PRKCZ: variants seen among roughly 807,000 people sequenced by gnomAD.
The protein encoded by PRKCZ is protein kinase C zeta type.
Under a neutral mutation model 79.5 loss-of-function variants are expected in PRKCZ, and 33 were observed. The ratio of observed to expected loss-of-function variants is 0.41; its 90% CI spans 0.31 to 0.55. The LOEUF (loss-of-function observed/expected upper bound fraction) is 0.55, where lower values mean the gene tolerates loss of function less well. Ranked by LOEUF, PRKCZ falls within the 20% of genes least tolerant of loss-of-function variation. PRKCZ has a pLI of 0.19. For synonymous variants in PRKCZ, 342 were observed against 320.9 expected (o/e 1.07, Z -0.70); for missense variants, 578 against 813.5 (o/e 0.71, Z 3.52).
chr1:2,101,576 G>A (rs905645480), intron 4 of PRKCZ, among the ~76,000 whole-genome samples: 10 of 152,128 alleles, frequency 6.6e-5, no homozygotes, highest in Admixed American at 1.3e-4. Flanking sequence ...GTCTGCGTTC[G>A]GCCTGTGTCT....
intron 4 of PRKCZ, chr1:2,074,036 G>A (rs1287850767): frequency 4.2e-6 from 6 of 1,439,276 alleles, no homozygotes; most frequent in Non-Finnish European, 4.6e-6. Context: ...CAGCATTTTG[G>A]GTCTGAGTCC....
chr1:2,071,225 T>C (rs1661552942), intron 4 of PRKCZ: 2 of 271,538 alleles, frequency 7.4e-6, no homozygotes, highest in South Asian at 5.6e-5. Context: ...TTTGTGAGGC[T>C]CGACAGGGTT....
At chr1:2,148,373 C>T (rs1032936607) in intron 7 of PRKCZ, among the ~76,000 whole-genome samples, 25 of 152,328 alleles carry the variant, frequency 1.6e-4, no homozygotes, top group African/African-American at 5.8e-4. Flanking sequence ...ATCTATCCAC[C>T]TATTGTCCAC....
chr1:2,119,775 ATTTCT>A (rs1161069612), intron 4 of PRKCZ, among the ~76,000 whole-genome samples: 2 of 134,106 alleles, frequency 1.5e-5, no homozygotes, highest in Non-Finnish European at 3.2e-5. Context: ...AATTCTTTTT[ATTTCT>A]TTTCTTTTCT....
chr1:2,137,348 C>T (rs1676422345), intron 5 of PRKCZ, among the ~76,000 whole-genome samples: 1 of 152,196 alleles, frequency 6.6e-6, no homozygotes, highest in Non-Finnish European at 1.5e-5. Flanking sequence ...GGGTCTTGCC[C>T]TCCCAGTCCA....
chr1:2,052,607 C>T (rs1659784647), intron 1 of PRKCZ, among the ~76,000 whole-genome samples: 1 of 152,106 alleles, frequency 6.6e-6, no homozygotes, highest in African/African-American at 2.4e-5. Context: ...CTCCTCCTCT[C>T]TGCTGCAGAG....
rs755258956 is a variant in PRKCZ, at chr1:2,172,360, C to A, written c.1257C>A (p.Ala419=). 3 of 1,613,408 alleles carry A rather than the reference C, an allele frequency of 1.9e-6. No homozygotes were observed. In the Admixed American group the frequency reaches 5.0e-5, roughly 27 times the overall value. ...TCTGCGGAACCCCGAATTACATCGCCCCCGAAATCCTGCGGGGAGAGGAGT... is the reference window on the plus strand; with the variant it reads ...TCTGCGGAACCCCGAATTACATCGCACCCGAAATCCTGCGGGGAGAGGAGT... ...STFCGTPNYI[A]PEILRGEEYG... Residue 419 remains alanine, a synonymous_variant, in exon 13 of 18, where the codon GCC becomes GCA. Coordinates refer to ENST00000378567, the MANE Select transcript of PRKCZ (RefSeq NM_002744.6). This position sits in a 1 kb window ranked among gnomAD's most constrained non-coding sequence, Gnocchi z 7.8.
chr1:2,185,127 C>T lies in PRKCZ; in HGVS notation c.*118C>T, dbSNP rs1054438860. 1.4e-5 allele frequency: 14 copies of T among 977,478 alleles called. No homozygotes were observed. Among genetic ancestry groups the T allele is most frequent in the African/African-American group, 9.7e-5 (6 of 62,090 alleles). The allele number at this position is 977,478 out of a possible 1,614,324, so 60.6% of individuals were successfully genotyped here. A position where few individuals can be genotyped will look rare whatever the true frequency, so the allele number is the denominator to read the frequency against. The stretch of plus-strand genomic sequence containing the variant: ...GAGGGCGGCCAGGGACAGACGCTTG[C>T]GCCGAGACCGCAGAGGGAAGCGTCA... On this transcript the variant is annotated 3_prime_UTR_variant, in exon 18 of 18. Coordinates refer to ENST00000378567, the MANE Select transcript of PRKCZ (RefSeq NM_002744.6).
chr1:2,132,263 C>A (rs909224524), intron 4 of PRKCZ, among the ~76,000 whole-genome samples: 145 of 152,332 alleles, frequency 9.5e-4, no homozygotes, highest in African/African-American at 3.2e-3. Context: ...GCTCTGTCTT[C>A]CGTTGGACGC....
chr1:2,146,389 TC>T (rs1678528226), intron 7 of PRKCZ, among the ~76,000 whole-genome samples: 1 of 152,164 alleles, frequency 6.6e-6, no homozygotes, highest in African/African-American at 2.4e-5. Context: ...CAGAGCCTCT[TC>T]CTCTAACCAG....
rs1683685190 is a variant in PRKCZ, at chr1:2,168,078, C to T, written c.975-1440C>T. Among the ~76,000 whole-genome samples, 1 of 152,098 alleles carries T rather than the reference C, an allele frequency of 6.6e-6. No individual in the cohort carries two copies. Among genetic ancestry groups the T allele is most frequent in the Non-Finnish European group, 1.5e-5 (1 of 68,008 alleles). The stretch of plus-strand genomic sequence containing the variant: ...GGACGTTCCTGCACATCGAGGGCAC[C>T]CTCAGAGCTGCTCTTTCTGTCATTG... On this transcript the variant is annotated intron_variant, in intron 10 of 17. Coordinates refer to ENST00000378567, the MANE Select transcript of PRKCZ (RefSeq NM_002744.6). The surrounding 1 kb of genome is among the most constrained non-coding windows in gnomAD (Gnocchi z 4.7).
rs117619321 is a variant in PRKCZ, at chr1:2,109,020, G to A, written c.335-26242G>A. 3.1e-3 allele frequency among the ~76,000 whole-genome samples: 478 copies of A among 152,226 alleles called. 12 individuals carry two copies. In the East Asian group the frequency reaches 0.066, roughly 21 times the overall value. On this transcript the variant is annotated intron_variant, in intron 4 of 17. Coordinates refer to ENST00000378567, the MANE Select transcript of PRKCZ (RefSeq NM_002744.6). ...GCCTCTGCCTCCGTCTCACGTCACC[G>A]CCTCTGATACAGCCGCCCCCCCATC... is the stretch of plus-strand genomic sequence containing the variant.
rs1406758807 is a variant in PRKCZ at position 2,082,767 on chromosome 1, G to A, written c.334+23176G>A. Among the ~76,000 whole-genome samples the A allele has an allele frequency of 6.6e-6, 1 of 152,002 alleles. No homozygotes were observed. The highest frequency in any genetic ancestry group is 1.5e-5 in the Non-Finnish European group (1 of 67,998). The stretch of plus-strand genomic sequence containing the variant: ...TTTTTTTGCCTGAGCGTCCGGGGGT[G>A]GCTTTGAGGACACCTGTCCTCCTTC... On this transcript the variant is annotated intron_variant, in intron 4 of 17. Coordinates refer to ENST00000378567, the MANE Select transcript of PRKCZ (RefSeq NM_002744.6). This position sits in a 1 kb window ranked among gnomAD's most constrained non-coding sequence, Gnocchi z 4.4.
At chr1:2,131,423 A>G (rs1674933017) in intron 4 of PRKCZ, among the ~76,000 whole-genome samples, 1 of 152,188 alleles carries the variant, frequency 6.6e-6, no homozygotes, top group African/African-American at 2.4e-5. Context: ...TGGGCAACAC[A>G]GGTTGGGGCA....
rs1022480882 is a variant in PRKCZ at position 2,128,814 on chromosome 1, A to C, written c.335-6448A>C. 2.6e-5 allele frequency among the ~76,000 whole-genome samples: 4 copies of C among 152,148 alleles called. No homozygotes were observed. Among genetic ancestry groups the C allele is most frequent in the African/African-American group, 9.7e-5 (4 of 41,438 alleles). On this transcript the variant is annotated intron_variant, in intron 4 of 17. Coordinates refer to ENST00000378567, the MANE Select transcript of PRKCZ (RefSeq NM_002744.6). This position sits in a 1 kb window ranked among gnomAD's most constrained non-coding sequence, Gnocchi z 6.5. ...CGTACCCCCGGAAGGACCTCCTGCT[A>C]ACCTGGGCTTGACTTTGAGACCCTG...
At chr1:2,073,689 G>T in intron 4 of PRKCZ, 1 of 992,186 alleles carries the variant, frequency 1.0e-6, no homozygotes, top group Non-Finnish European at 1.2e-6. Context: ...CTTCCCGGGG[G>T]AGCCGGGTAC....
At chr1:2,057,697 C>A (rs527819542) in intron 3 of PRKCZ, among the ~76,000 whole-genome samples, 11 of 152,066 alleles carry the variant, frequency 7.2e-5, no homozygotes, top group Non-Finnish European at 1.6e-4. Flanking sequence ...GAGACCCCCC[C>A]CTCTCCAAAA....
intron 9 of PRKCZ, among the ~76,000 whole-genome samples, chr1:2,153,908 T>C (rs1213788071): frequency 6.6e-6 from 1 of 152,180 alleles, no homozygotes; most frequent in Admixed American, 6.5e-5. Flanking sequence ...AAGACTGCAC[T>C]CTCTGGGGCC....
intron 10 of PRKCZ, among the ~76,000 whole-genome samples, chr1:2,164,192 C>T (rs1481317341): frequency 6.6e-6 from 1 of 152,210 alleles, no homozygotes; most frequent in East Asian, 1.9e-4. Context: ...CACAGAGCTA[C>T]TGCTCCAGTG....
Sources: gnomAD v4.1 joint callset for allele counts (sites outside exome capture counted in the v4.1 genomes callset) on GRCh38, gnomAD v4.1.1 for gene constraint, Gnocchi (gnomAD v3.1) non-coding constraint, MANE v1.5 for transcripts, NCBI Gene and HGNC (gene_info 2026-07-23, HGNC 2026-07-21) for gene names.